The following DNAH7 variants were observed in gnomAD, a reference collection of about 807,000 sequenced individuals.
The protein encoded by DNAH7 is axonemal beta dynein heavy chain 7.
DNAH7 carries 397 observed loss-of-function variants against 444.6 expected under a neutral mutation model. The observed-to-expected ratio is 0.89, with a 90% CI of 0.82 to 0.97. The LOEUF (loss-of-function observed/expected upper bound fraction) is 0.97, where lower values mean the gene tolerates loss of function less well. Ranked by LOEUF, DNAH7 falls within the 50% of genes least tolerant of loss-of-function variation. The pLI, the probability that DNAH7 is intolerant of heterozygous loss-of-function variation, is 0.00. For missense variants in DNAH7, 4,902 were observed against 4,800.8 expected (o/e 1.02, Z -0.62); for synonymous variants, 1,636 against 1,624.4 (o/e 1.01, Z -0.17).
intron 56 of DNAH7, chr2:195,795,790 G>C (rs1213838327): frequency 6.6e-6 from 1 of 152,198 alleles, no homozygotes; most frequent in Non-Finnish European, 1.5e-5. Flanking sequence ...TAAAGACAAA[G>C]TCACTGTCTT....
In DNAH7 at chr2:195,886,128, C is replaced by A; in HGVS notation, c.5538+13G>T. ...TCTTTCTGTAGCAGGATACAGAAGGCAACGGACCTTACCTCAAGCAAAGAG... is the reference window on the plus strand; with the variant it reads ...TCTTTCTGTAGCAGGATACAGAAGGAAACGGACCTTACCTCAAGCAAAGAG... On this transcript the variant is annotated intron_variant, in intron 34 of 64. Coordinates refer to ENST00000312428, the MANE Select transcript of DNAH7 (RefSeq NM_018897.3). 1 of 1,610,272 alleles carries A rather than the reference C, an allele frequency of 6.2e-7. No individual in the cohort carries two copies. Among genetic ancestry groups the A allele is most frequent in the Middle Eastern group, 1.7e-4 (1 of 6,054 alleles).
chr2:195,739,863 T>C (rs1692888588), intron 64 of DNAH7, among the ~76,000 whole-genome samples: 1 of 152,240 alleles, frequency 6.6e-6, no homozygotes, highest in Non-Finnish European at 1.5e-5. Flanking sequence ...TTTCACCTCA[T>C]AACCGTAAAC....
Position 195,817,686 on chromosome 2 carries a change from C to T in DNAH7, c.9425+10G>A. The stretch of plus-strand genomic sequence containing the variant: ...CAAATAAGAATAGTTCTGTTTATGA[C>T]ATTTAAAACCTTTTATTTTCAGCTC... On this transcript the variant is annotated intron_variant, in intron 50 of 64. Coordinates refer to ENST00000312428, the MANE Select transcript of DNAH7 (RefSeq NM_018897.3). 1.3e-6 allele frequency: 2 copies of T among 1,598,974 alleles called. No homozygotes were observed. Among genetic ancestry groups the T allele is most frequent in the Non-Finnish European group, 1.7e-6 (2 of 1,175,936 alleles).
intron 46 of DNAH7, among the ~76,000 whole-genome samples, chr2:195,852,455 C>A (rs77490291): frequency 2.1e-3 from 322 of 152,250 alleles, no homozygotes; most frequent in African/African-American, 7.6e-3. Context: ...GCCAAATGTT[C>A]TGAATTCCTC....
chr2:195,896,042 C>G (rs1468058131), intron 29 of DNAH7, among the ~76,000 whole-genome samples: 3 of 152,158 alleles, frequency 2.0e-5, no homozygotes, highest in Non-Finnish European at 4.4e-5. Context: ...TTTGTATGAA[C>G]AAATGCTTTC....
rs191261791 is a variant in DNAH7 at position 195,798,739 on chromosome 2, G to A, written c.10353+557C>T. On this transcript the variant is annotated intron_variant, in intron 55 of 64. Coordinates refer to ENST00000312428, the MANE Select transcript of DNAH7 (RefSeq NM_018897.3). ...TTTTTTGTATTTTTAGTAGAGACGG[G>A]GTTTCACCGTGTTGGCCAGGATGGT... is the stretch of plus-strand genomic sequence containing the variant. Among the ~76,000 whole-genome samples, 4 of 151,708 alleles carry A rather than the reference G, an allele frequency of 2.6e-5. No homozygotes were observed. The East Asian group carries it at 5.8e-4, about 22-fold the overall frequency.
chr2:195,900,784 A>T (rs1414871980), intron 27 of DNAH7: 1 of 225,946 alleles, frequency 4.4e-6, no homozygotes, highest in African/African-American at 2.3e-5. Context: ...ATTTTTAAAT[A>T]GCTAAAAGAG....
At chr2:195,872,101 T>A (rs1234439397) in intron 40 of DNAH7, 149 bp downstream of exon 40, 3 of 604,340 alleles carry the variant, frequency 5.0e-6, no homozygotes, top group African/African-American at 1.9e-5. Context: ...TAAATATTTT[T>A]AAAATTTTTC....
chr2:195,938,646 A>G (rs952716575), intron 19 of DNAH7, among the ~76,000 whole-genome samples: 7 of 152,178 alleles, frequency 4.6e-5, no homozygotes, highest in Non-Finnish European at 5.9e-5. Context: ...AGTATATTCC[A>G]TTTGCTAAAT....
At chr2:195,923,853 T>C (rs1485555019) in intron 22 of DNAH7, 46 bp from the exon 23 acceptor site, 4 of 1,557,136 alleles carry the variant, frequency 2.6e-6, no homozygotes, top group Non-Finnish European at 3.5e-6. Context: ...GTGATCAAAA[T>C]TATTTTGAAC....
In DNAH7 at chr2:196,058,090, G is replaced by A. The variant is rs368166549; in HGVS notation, c.42C>T (p.Ser14=). 1.3e-5 allele frequency: 21 copies of A among 1,580,130 alleles called. No homozygotes were observed. In the African/African-American group the frequency reaches 2.6e-4, roughly 19 times the overall value. Residue 14 remains serine (S), a synonymous_variant, in exon 2 of 65, where the codon TCC becomes TCT. Transcript: ENST00000312428. ...GTGGTAGAAATCTTACTGGTTTCTT[G>A]GATTTTTCTTTGCTGGCCGATTTAT... ...EQDKSASKEK[S]KKPVRFLPQL...
At chr2:195,800,414 T>C (rs191991851) in intron 54 of DNAH7, among the ~76,000 whole-genome samples, 1 of 152,356 alleles carries the variant, frequency 6.6e-6, no homozygotes, top group East Asian at 1.9e-4. Flanking sequence ...GTAGCTACTT[T>C]AAAGAAGTTA....
At chr2:195,996,690 T>G (rs945063534) in intron 12 of DNAH7, among the ~76,000 whole-genome samples, 1 of 152,124 alleles carries the variant, frequency 6.6e-6, no homozygotes, top group Non-Finnish European at 1.5e-5. Flanking sequence ...CCTCCCAAAG[T>G]GCTGGGATTA....
intron 12 of DNAH7, among the ~76,000 whole-genome samples, chr2:196,000,357 G>A (rs921544281): frequency 9.2e-5 from 14 of 152,114 alleles, no homozygotes; most frequent in Admixed American, 2.0e-4. Context: ...CTCGAGGACA[G>A]TTTTACAGAG....
intron 62 of DNAH7, 89 bp downstream of exon 62, chr2:195,756,044 G>A (rs1694053872): frequency 1.5e-6 from 2 of 1,339,370 alleles, no homozygotes; most frequent in East Asian, 2.4e-5. Context: ...AGAAAAACTA[G>A]AGAGTAATAC....
At chr2:195,861,049 A>G (rs1232901639) in intron 42 of DNAH7, among the ~76,000 whole-genome samples, 1 of 152,176 alleles carries the variant, frequency 6.6e-6, no homozygotes, top group African/African-American at 2.4e-5. Context: ...ATAATGTATT[A>G]AAAATTTTAT....
intron 12 of DNAH7, among the ~76,000 whole-genome samples, chr2:195,990,212 T>C (rs1428576271): frequency 2.6e-5 from 4 of 152,226 alleles, no homozygotes; most frequent in African/African-American, 9.6e-5. Flanking sequence ...GTTTTGGGTG[T>C]TACATTTAAA....
chr2:195,745,822 G>A (rs4314003), intron 63 of DNAH7, among the ~76,000 whole-genome samples: 72,836 of 152,006 alleles, frequency 0.48, 18,780 homozygotes, highest in Non-Finnish European at 0.6. Flanking sequence ...TCACCACCAG[G>A]CCTGCCCTAA....
chr2:195,772,073 A>G (rs1400862276), intron 60 of DNAH7, among the ~76,000 whole-genome samples, 183 bp from the exon 61 acceptor site: 3 of 152,226 alleles, frequency 2.0e-5, no homozygotes, highest in African/African-American at 7.2e-5. Context: ...TTTCAAGGGA[A>G]AACTATTGTT....
Sources: gnomAD v4.1 joint callset for allele counts (sites outside exome capture counted in the v4.1 genomes callset) on GRCh38, gnomAD v4.1.1 for gene constraint, MANE v1.5 for transcripts, NCBI Gene and HGNC (gene_info 2026-07-23, HGNC 2026-07-21) for gene names.